CCDC148: variants seen among roughly 807,000 people sequenced by gnomAD.
CCDC148 encodes the protein coiled-coil domain containing 148.
In CCDC148, 89 loss-of-function variants were observed where a neutral mutation model predicts 85.7. The ratio of observed to expected loss-of-function variants is 1.04; its 90% CI spans 0.87 to 1.24. The LOEUF is 1.24. CCDC148 is among the 50% of genes most tolerant of loss of function. The pLI is 0.00. For missense variants in CCDC148, 692 were observed against 671.7 expected (o/e 1.03, Z -0.33); for synonymous variants, 230 against 213.9 (o/e 1.08, Z -0.66).
At chr2:158,305,245 G>A (rs1238918460) in intron 9 of CCDC148, among the ~76,000 whole-genome samples, 2 of 152,172 alleles carry the variant, frequency 1.3e-5, no homozygotes, top group African/African-American at 4.8e-5. Flanking sequence ...GACGGTGAAG[G>A]AAACTATCTC....
intron 1 of CCDC148, chr2:158,447,136 T>A (rs1005710828): frequency 6.6e-6 from 1 of 152,348 alleles, no homozygotes; most frequent in East Asian, 1.9e-4. Flanking sequence ...TATAAGTTTA[T>A]ATTTATATAT....
At position 158,376,147 on chromosome 2, in the gene CCDC148, A is replaced by G. The variant is rs151111257; in HGVS notation, c.26-17577T>C. On this transcript the variant is annotated intron_variant, in intron 1 of 13. Coordinates refer to ENST00000283233, the MANE Select transcript of CCDC148 (RefSeq NM_138803.4). Reference sequence around the variant, plus strand: ...AGACATAGGTAAAATACTAGAAAATATTACTGTCATTGCTTTTCAATAGTA... The same window carrying G: ...AGACATAGGTAAAATACTAGAAAATGTTACTGTCATTGCTTTTCAATAGTA... Among the ~76,000 whole-genome samples, 397 of 152,256 alleles carry G rather than the reference A, an allele frequency of 2.6e-3. 2 individuals carry two copies. The highest frequency in any genetic ancestry group is 4.4e-3 in the Non-Finnish European group (300 of 68,000).
chr2:158,292,147 C>G (rs1383526593), intron 9 of CCDC148, among the ~76,000 whole-genome samples: 2 of 152,040 alleles, frequency 1.3e-5, no homozygotes, highest in Non-Finnish European at 2.9e-5. Context: ...AAAGAACTTC[C>G]AGCAAGCCAC....
chr2:158,308,774 T>C (rs74504705), intron 9 of CCDC148, among the ~76,000 whole-genome samples: 27,089 of 152,164 alleles, frequency 0.18, 3,114 homozygotes, highest in Middle Eastern at 0.26. Context: ...AATGCAATTA[T>C]TCCCAGCACA....
rs1271560776 is a variant in CCDC148, at chr2:158,350,093, C to A, written c.148-4775G>T. Among the ~76,000 whole-genome samples, 4 of 152,068 alleles carry A rather than the reference C, an allele frequency of 2.6e-5. No individual in the cohort carries two copies. In the East Asian group the frequency reaches 7.7e-4, roughly 29 times the overall value. On this transcript the variant is annotated intron_variant, in intron 2 of 13. Coordinates refer to ENST00000283233, the MANE Select transcript of CCDC148 (RefSeq NM_138803.4). ...AAGGTTACTGATGTTATTTAAAATG[C>A]CAGTTGAACGTGAGCATCTGTTTAA...
intron 10 of CCDC148, among the ~76,000 whole-genome samples, chr2:158,226,892 G>A (rs1687569195): frequency 6.6e-6 from 1 of 152,078 alleles, no homozygotes; most frequent in Non-Finnish European, 1.5e-5. Flanking sequence ...TTGAAAACTG[G>A]CACAAGACAG....
At chr2:158,182,995 G>C (rs1353734358) in intron 11 of CCDC148, among the ~76,000 whole-genome samples, 1 of 152,126 alleles carries the variant, frequency 6.6e-6, no homozygotes, top group Non-Finnish European at 1.5e-5. Flanking sequence ...TCAATGTCAG[G>C]AAGTGGCTAA....
intron 1 of CCDC148, among the ~76,000 whole-genome samples, chr2:158,402,115 C>G (rs1685810819): frequency 6.6e-6 from 1 of 152,012 alleles, no homozygotes; most frequent in Non-Finnish European, 1.5e-5. Context: ...TTACAAAGTA[C>G]TTTCATAGTT....
chr2:158,425,736 C>T (rs67534162), intron 1 of CCDC148, among the ~76,000 whole-genome samples: 25,312 of 152,068 alleles, frequency 0.17, 2,266 homozygotes, highest in Middle Eastern at 0.21. Context: ...CACCCTGTTT[C>T]CCAATATGTA....
chr2:158,284,636 G>A (rs1449679295), intron 9 of CCDC148, among the ~76,000 whole-genome samples: 2 of 152,194 alleles, frequency 1.3e-5, no homozygotes, highest in Non-Finnish European at 2.9e-5. Flanking sequence ...TCAAGCTTTG[G>A]TCCTGGACTT....
intron 1 of CCDC148, among the ~76,000 whole-genome samples, chr2:158,444,421 T>C (rs1688072936): frequency 6.6e-6 from 1 of 152,038 alleles, no homozygotes; most frequent in Non-Finnish European, 1.5e-5. Context: ...AAATATTAAA[T>C]TTAAGTATTT....
At chr2:158,279,883 C>T (rs925814698) in intron 9 of CCDC148, among the ~76,000 whole-genome samples, 17 of 151,270 alleles carry the variant, frequency 1.1e-4, no homozygotes, top group African/African-American at 3.9e-4. Flanking sequence ...AGAGAAAGGT[C>T]GGGTTACCGA....
intron 11 of CCDC148, 105 bp from the exon 12 acceptor site, chr2:158,179,101 G>T: frequency 1.8e-6 from 1 of 549,010 alleles, no homozygotes; most frequent in Non-Finnish European, 3.0e-6. Flanking sequence ...TAACAGCACT[G>T]TCACATTTTT....
intron 1 of CCDC148, among the ~76,000 whole-genome samples, chr2:158,369,079 A>G (rs1684322105): frequency 6.6e-6 from 1 of 152,086 alleles, no homozygotes; most frequent in South Asian, 2.1e-4. Flanking sequence ...AGTCTTCTAT[A>G]ATGGGGATTC....
intron 11 of CCDC148, among the ~76,000 whole-genome samples, chr2:158,187,278 T>C (rs1006994133): frequency 9.7e-4 from 148 of 152,088 alleles, no homozygotes; most frequent in African/African-American, 3.4e-3. Flanking sequence ...GAAGTGAACT[T>C]CTTTCTTTCT....
At chr2:158,367,842 G>A (rs937677873) in intron 1 of CCDC148, among the ~76,000 whole-genome samples, 18 of 152,074 alleles carry the variant, frequency 1.2e-4, no homozygotes, top group Non-Finnish European at 2.9e-5. Flanking sequence ...AACTAAAGCT[G>A]AGGTATTATA....
At chr2:158,247,161 T>C (rs909627304) in intron 10 of CCDC148, among the ~76,000 whole-genome samples, 7 of 152,150 alleles carry the variant, frequency 4.6e-5, no homozygotes, top group Admixed American at 1.3e-4. Context: ...AGCTTTTACA[T>C]ATTAATTTAA....
chr2:158,227,815 A>C (rs1229069921), intron 10 of CCDC148, among the ~76,000 whole-genome samples: 2 of 152,226 alleles, frequency 1.3e-5, no homozygotes, highest in Non-Finnish European at 2.9e-5. Flanking sequence ...TTCAAGATTG[A>C]TTAAAGACTT....
intron 8 of CCDC148, among the ~76,000 whole-genome samples, chr2:158,312,784 A>G (rs1343567791): frequency 6.6e-6 from 1 of 152,164 alleles, no homozygotes; most frequent in Admixed American, 6.5e-5. Flanking sequence ...ATTATATAAC[A>G]GGTATCTGTT....
Sources: gnomAD v4.1 joint callset for allele counts (sites outside exome capture counted in the v4.1 genomes callset) on GRCh38, gnomAD v4.1.1 for gene constraint, MANE v1.5 for transcripts, NCBI Gene and HGNC (gene_info 2026-07-23, HGNC 2026-07-21) for gene names.